The following NRDE2 variants were observed in gnomAD, a reference collection of about 807,000 sequenced individuals.
NRDE2 encodes the protein NRDE-2, necessary for RNA interference, domain containing.
In NRDE2, 76 loss-of-function variants were observed where a neutral mutation model predicts 124.2. That is an observed-to-expected ratio of 0.61 (90% CI 0.51 to 0.74). NRDE2 has a LOEUF of 0.74. NRDE2 is among the 30% of genes least tolerant of loss of function. The probability of loss-of-function intolerance (pLI) is 0.00; values close to 1 mark genes in which losing one functional copy is unlikely to be tolerated. For missense variants in NRDE2, 1,314 were observed against 1,417.3 expected, an observed-to-expected ratio of 0.93 and a Z score of 1.17; for synonymous variants, 489 against 528.1, an observed-to-expected ratio of 0.93 and a Z score of 1.01.
chr14:90,269,197 A>T lies in NRDE2; in HGVS notation c.*9139T>A, dbSNP rs186961186. Reference sequence around the variant, plus strand: ...CACACAGTAGGGATTAAGTTTCAACACATAAATTTGGGGAAATACATTCAG... The same window carrying T: ...CACACAGTAGGGATTAAGTTTCAACTCATAAATTTGGGGAAATACATTCAG... On this transcript the variant is annotated 3_prime_UTR_variant, in exon 14 of 14. Transcript: ENST00000354366. The T allele has an allele frequency of 8.8e-6, 5 of 569,148 alleles. No homozygotes were observed. In the Admixed American group the frequency reaches 1.6e-4, roughly 18 times the overall value. The allele number at this position is 569,148 out of a possible 1,614,324, so 35.3% of individuals were successfully genotyped here.
chr14:90,331,910 C>T lies in NRDE2; in HGVS notation c.-6G>A, dbSNP rs779958670. 14 of 1,614,134 alleles carry T rather than the reference C, an allele frequency of 8.7e-6. No individual in the cohort carries two copies. Among genetic ancestry groups the T allele is most frequent in the Non-Finnish European group, 1.2e-5 (14 of 1,180,038 alleles). ...AAGGCTGGGAACAGCGCCATGACCACAGGCCGTACCTCCGTTCTTCTCTAT... is the reference window on the plus strand; with the variant it reads ...AAGGCTGGGAACAGCGCCATGACCATAGGCCGTACCTCCGTTCTTCTCTAT... On this transcript the variant is annotated 5_prime_UTR_variant, in exon 1 of 14. The change creates a new upstream start codon in the 5' untranslated region. Coordinates refer to ENST00000354366, the MANE Select transcript of NRDE2 (RefSeq NM_017970.4).
At chr14:90,279,249 A>G in intron 12 of NRDE2, 116 bp from the exon 13 acceptor site, 1 of 780,490 alleles carries the variant, frequency 1.3e-6, no homozygotes, top group Non-Finnish European at 2.2e-6. Context: ...CCACCTGTGC[A>G]GAGGGCCTGG....
rs560599053 is a variant in NRDE2 at position 90,275,966 on chromosome 14, C to T, written c.*2370G>A. 222 of 152,522 alleles carry T rather than the reference C, an allele frequency of 1.5e-3. No individual in the cohort carries two copies. Among genetic ancestry groups the T allele is most frequent in the Admixed American group, 2.6e-3 (40 of 15,314 alleles). 9.4% of individuals were successfully genotyped at this position (152,522 alleles called of 1,614,324 possible). On this transcript the variant is annotated 3_prime_UTR_variant, in exon 14 of 14. Transcript: ENST00000354366. ...CCTGGCCTCCTGCAGGCCCAGCAATCCTGTGCCAGAGGCATTGCCACTGCT... is the reference window on the plus strand; with the variant it reads ...CCTGGCCTCCTGCAGGCCCAGCAATTCTGTGCCAGAGGCATTGCCACTGCT...
rs1161769823 is a variant in NRDE2, at chr14:90,331,934, A to C, written c.-30T>G. 1 of 1,613,262 alleles carries C rather than the reference A, an allele frequency of 6.2e-7. No homozygotes were observed. The highest frequency in any genetic ancestry group is 8.5e-7 in the Non-Finnish European group (1 of 1,179,518). On this transcript the variant is annotated 5_prime_UTR_variant, in exon 1 of 14. Coordinates refer to ENST00000354366, the MANE Select transcript of NRDE2 (RefSeq NM_017970.4). ...ACAGGCCGTACCTCCGTTCTTCTCT[A>C]TAGGGATGGCGCCGGCGAGCGAGCG...
Position 90,316,763 on chromosome 14 carries a change from C to A in NRDE2, c.222G>T (p.Lys74Asn). ...ESSDESDTNK[K>N]LKQTSRKKKK... ...TCTTTTTTCTACTTGTTTGTTTGAG[C>A]TTTTTGTTAGTGTCACTTTCATCTG... The change falls in exon 3 of 14, where the codon AAG becomes AAT. Residue 74 changes from lysine (K) to asparagine (N), a missense_variant. Coordinates refer to ENST00000354366, the MANE Select transcript of NRDE2 (RefSeq NM_017970.4). 1 of 1,612,530 alleles carries A rather than the reference C, an allele frequency of 6.2e-7. No individual in the cohort carries two copies. Among genetic ancestry groups the A allele is most frequent in the South Asian group, 1.1e-5 (1 of 90,592 alleles).
At chr14:90,304,419 T>G in intron 4 of NRDE2, 37 bp from the exon 5 acceptor site, 1 of 1,472,344 alleles carries the variant, frequency 6.8e-7, no homozygotes, top group Non-Finnish European at 9.2e-7. Context: ...ACTGAGGGAA[T>G]ACGTGTACTA....
At position 90,290,332 on chromosome 14, in the gene NRDE2, G is replaced by A; in HGVS notation, c.2118C>T (p.Asn706=). The A allele has an allele frequency of 6.2e-7, 1 of 1,614,110 alleles. No individual in the cohort carries two copies. The highest frequency in any genetic ancestry group is 8.5e-7 in the Non-Finnish European group (1 of 1,180,042). ...TGCGGATGAACTCCTCGCCCTCTCG[G>A]TTCTGACCCCTGGTCCAGCGAGGAT... ...LGYPRWTRGQ[N]REGEEFIRNV... Residue 706 remains asparagine, a synonymous_variant, in exon 10 of 14, where the codon AAC becomes AAT. Transcript: ENST00000354366.
At chr14:90,283,946 C>T (rs556143037) in intron 12 of NRDE2, among the ~76,000 whole-genome samples, 122 of 152,224 alleles carry the variant, frequency 8.0e-4, no homozygotes, top group Admixed American at 1.9e-3. Flanking sequence ...CTCCTGACCT[C>T]GTGATCCGCC....
At position 90,290,227 on chromosome 14, in the gene NRDE2, A is replaced by C. The variant is rs1399779331; in HGVS notation, c.2223T>G (p.Ile741Met). The C allele has an allele frequency of 6.2e-7, 1 of 1,611,662 alleles. No homozygotes were observed. The highest frequency in any genetic ancestry group is 2.2e-5 in the East Asian group (1 of 44,824). Residue 741 changes from isoleucine (I) to methionine (M), a missense_variant, in exon 10 of 14, where the codon ATT becomes ATG. Coordinates refer to ENST00000354366, the MANE Select transcript of NRDE2 (RefSeq NM_017970.4). ...QLCFSWLQYE[I>M]AKVIWCLHTK... The stretch of plus-strand genomic sequence containing the variant: ...AGGACGAGTCTGGAATTACCTTTGC[A>C]ATCTCATACTGTAACCAGGAGAAGC...
rs941653753 is a variant in NRDE2 at position 90,275,898 on chromosome 14, A to G, written c.*2438T>C. ...AAAATGATATGTGTGCCTTACAAGT[A>G]GTAGCTGCCTCCTCCTACTGGGAAC... On this transcript the variant is annotated 3_prime_UTR_variant, in exon 14 of 14. Coordinates refer to ENST00000354366, the MANE Select transcript of NRDE2 (RefSeq NM_017970.4). 3 of 152,304 alleles carry G rather than the reference A, an allele frequency of 2.0e-5. No homozygotes were observed. The highest frequency in any genetic ancestry group is 7.2e-5 in the African/African-American group (3 of 41,470). 9.4% of individuals were successfully genotyped at this position (152,304 alleles called of 1,614,324 possible).
chr14:90,313,533 A>G (rs1884929976), intron 3 of NRDE2, among the ~76,000 whole-genome samples: 1 of 152,094 alleles, frequency 6.6e-6, no homozygotes, highest in Non-Finnish European at 1.5e-5. Context: ...CAAGACCCTA[A>G]TGTATCTCTC....
intron 6 of NRDE2, 22 bp from the exon 7 acceptor site, chr14:90,301,394 G>T: frequency 1.2e-6 from 2 of 1,612,726 alleles, no homozygotes; most frequent in South Asian, 1.1e-5. Context: ...AGGGCAAAGG[G>T]GAAGAAGCCT....
chr14:90,328,861 T>C (rs1447943679), intron 1 of NRDE2, among the ~76,000 whole-genome samples: 1 of 152,232 alleles, frequency 6.6e-6, no homozygotes, highest in East Asian at 1.9e-4. Context: ...AACCGATTTA[T>C]ACTGAAAGAG....
At chr14:90,321,973 C>T (rs1388248047) in intron 1 of NRDE2, among the ~76,000 whole-genome samples, 1 of 152,112 alleles carries the variant, frequency 6.6e-6, no homozygotes, top group Non-Finnish European at 1.5e-5. Context: ...ACCTCCTCCC[C>T]TATAGACCAA....
At chr14:90,296,886 C>T (rs906153850) in intron 8 of NRDE2, among the ~76,000 whole-genome samples, 1 of 151,852 alleles carries the variant, frequency 6.6e-6, no homozygotes, top group Non-Finnish European at 1.5e-5. Context: ...CATCGGAAAT[C>T]CCAGCACTTT....
chr14:90,309,695 G>A (rs1255715538), intron 4 of NRDE2, among the ~76,000 whole-genome samples: 1 of 152,128 alleles, frequency 6.6e-6, no homozygotes, highest in Non-Finnish European at 1.5e-5. Context: ...TGACTTCTAT[G>A]CACTTGAGGC....
chr14:90,276,989 C>G lies in NRDE2; in HGVS notation c.*1347G>C, dbSNP rs1186309658. 6.6e-6 allele frequency: 1 copy of G among 152,230 alleles called. No individual in the cohort carries two copies. Among genetic ancestry groups the G allele is most frequent in the African/African-American group, 2.4e-5 (1 of 41,452 alleles). 9.4% of individuals were successfully genotyped at this position (152,230 alleles called of 1,614,324 possible). A position where few individuals can be genotyped will look rare whatever the true frequency, so the allele number is the denominator to read the frequency against. On this transcript the variant is annotated 3_prime_UTR_variant, in exon 14 of 14. Transcript: ENST00000354366. ...ATGACAGTTCAAGCCAGTTAGCTCT[C>G]AGGGAGGGGGAGCAAGTCCACCTCG... is the stretch of plus-strand genomic sequence containing the variant.
chr14:90,298,402 C>T (rs777633407), intron 7 of NRDE2, 22 bp from the exon 8 acceptor site: 10 of 1,613,430 alleles, frequency 6.2e-6, no homozygotes, highest in South Asian at 1.1e-5. Flanking sequence ...TTAGAATGGA[C>T]GTTAGACCTC....
At chr14:90,290,693 T>C (rs1595060067) in intron 9 of NRDE2, 86 bp from the exon 10 acceptor site, 4 of 1,362,644 alleles carry the variant, frequency 2.9e-6, no homozygotes, top group East Asian at 2.4e-5. Flanking sequence ...CATGTACTAA[T>C]GGTTCAACAT....
Sources: allele counts gnomAD v4.1 joint callset (sites outside exome capture counted in the v4.1 genomes callset), GRCh38; gene constraint gnomAD v4.1.1; transcripts MANE v1.5; gene names NCBI Gene and HGNC (gene_info 2026-07-23, HGNC 2026-07-21).